Variants in ARAP1 observed in about 807,000 individuals in gnomAD.
ARAP1 encodes the protein ArfGAP with RhoGAP domain, ankyrin repeat and PH domain 1.
ARAP1 carries 76 observed loss-of-function variants against 172.2 expected under a neutral mutation model. The observed-to-expected ratio is 0.44, with a 90% CI of 0.37 to 0.53. The LOEUF (loss-of-function observed/expected upper bound fraction) is 0.53. Ranked by LOEUF, ARAP1 falls within the 20% of genes least tolerant of loss-of-function variation. The pLI, the probability that ARAP1 is intolerant of heterozygous loss-of-function variation, is 0.00. For synonymous variants in ARAP1, 804 were observed against 803.3 expected, an observed-to-expected ratio of 1.00 and a Z score of -0.01; for missense variants, 1,686 against 1,977.5, an observed-to-expected ratio of 0.85 and a Z score of 2.80.
At chr11:72,690,828 T>C (rs1855904279) in intron 30 of ARAP1, among the ~76,000 whole-genome samples, 1 of 152,170 alleles carries the variant, frequency 6.6e-6, no homozygotes, top group Non-Finnish European at 1.5e-5. Context: ...TGCCTCAGGG[T>C]CTTTAACAAG....
Position 72,711,423 on chromosome 11 carries a change from G to T in ARAP1, c.1092+7C>A. The T allele has an allele frequency of 6.2e-7, 1 of 1,611,906 alleles. No individual in the cohort carries two copies. Among genetic ancestry groups the T allele is most frequent in the East Asian group, 2.2e-5 (1 of 44,792 alleles). On this transcript the variant is annotated splice_region_variant and intron_variant, in intron 8 of 34. Transcript: ENST00000393609. ...AGGGGTCGCGTCAGGACTGATGCAG[G>T]CCTCACCTTGTTACTGTCAAAGTAT...
intron 1 of ARAP1, among the ~76,000 whole-genome samples, chr11:72,734,749 A>G (rs1369269602): frequency 6.6e-6 from 1 of 152,040 alleles, no homozygotes; most frequent in Non-Finnish European, 1.5e-5. Flanking sequence ...AGCAGCCAGC[A>G]GTAGCCACAC....
rs1857003704 is a variant in ARAP1 at position 72,711,365 on chromosome 11, C to T, written c.1092+65G>A. On this transcript the variant is annotated intron_variant, in intron 8 of 34. Transcript: ENST00000393609. ...ACTCCTCTGGGGAGGGACGCCACCT[C>T]GCTCCAGTGTTGGGGCCAGCCTAGG... The T allele has an allele frequency of 9.6e-6, 15 of 1,559,564 alleles. No individual in the cohort carries two copies. In the South Asian group the frequency reaches 1.2e-4, roughly 13 times the overall value.
chr11:72,693,765 C>A lies in ARAP1; in HGVS notation c.3735G>T (p.Leu1245=), dbSNP rs1366325820. 1.2e-6 allele frequency: 2 copies of A among 1,609,220 alleles called. No homozygotes were observed. Among genetic ancestry groups the A allele is most frequent in the Admixed American group, 1.7e-5 (1 of 59,522 alleles). The change falls in exon 28 of 35, where the codon CTG becomes CTT. Residue 1245 remains leucine (L), a synonymous_variant. Transcript: ENST00000393609. The surrounding 1 kb of genome is among the most constrained non-coding windows in gnomAD (Gnocchi z 4.6). ...LHFAEKVLPI[L]HGLGTDSHLV... ...GGTGGCTGTCCGTGCCCAGCCCGTG[C>A]AGGATGGGCAGCACCTTCTCCGCAA...
rs574057203 is a variant in ARAP1 at position 72,715,943 on chromosome 11, C to T, written c.510-1622G>A. Among the ~76,000 whole-genome samples, 34 of 152,112 alleles carry T rather than the reference C, an allele frequency of 2.2e-4. No individual in the cohort carries two copies. The Middle Eastern group carries it at 0.01, about 46-fold the overall frequency. On this transcript the variant is annotated intron_variant, in intron 3 of 34. Coordinates refer to ENST00000393609, the MANE Select transcript of ARAP1 (RefSeq NM_001040118.3). Reference sequence around the variant, plus strand: ...ATCCCAGCACTTTGGGAGGCCAAGGCGCGCGGATCACGAGGTCAGGAGATC... The same window carrying T: ...ATCCCAGCACTTTGGGAGGCCAAGGTGCGCGGATCACGAGGTCAGGAGATC...
chr11:72,695,942 G>C lies in ARAP1; in HGVS notation c.3273-77C>G. 5 of 1,508,796 alleles carry C rather than the reference G, an allele frequency of 3.3e-6. No individual in the cohort carries two copies. Among genetic ancestry groups the C allele is most frequent in the Non-Finnish European group, 4.4e-6 (5 of 1,126,268 alleles). 93.5% of individuals were successfully genotyped at this position (1,508,796 alleles called of 1,614,324 possible). On this transcript the variant is annotated intron_variant, in intron 23 of 34. Coordinates refer to ENST00000393609, the MANE Select transcript of ARAP1 (RefSeq NM_001040118.3). This position sits in a 1 kb window ranked among gnomAD's most constrained non-coding sequence, Gnocchi z 4.4. Reference sequence around the variant, plus strand: ...CATCTCACCCTATTAATTTCTGACAGGTCCAAGACTGGTCTGGTCAGAGGG... The same window carrying C: ...CATCTCACCCTATTAATTTCTGACACGTCCAAGACTGGTCTGGTCAGAGGG...
intron 5 of ARAP1, 109 bp from the exon 6 acceptor site, chr11:72,712,677 G>T: frequency 6.4e-7 from 1 of 1,559,770 alleles, no homozygotes; most frequent in Non-Finnish European, 8.7e-7. Flanking sequence ...ACACAGCCCA[G>T]CACTTTTAGT....
chr11:72,693,278 G>C lies in ARAP1; in HGVS notation c.3954+47C>G, dbSNP rs766115933. 5 of 1,600,082 alleles carry C rather than the reference G, an allele frequency of 3.1e-6. No individual in the cohort carries two copies. The South Asian group carries it at 5.6e-5, about 18-fold the overall frequency. ...CAAGGGGAATCTCTGAGCACATTCA[G>C]GTGTACAGGTGCCCACCCTGGGGCA... On this transcript the variant is annotated intron_variant, in intron 29 of 34. Coordinates refer to ENST00000393609, the MANE Select transcript of ARAP1 (RefSeq NM_001040118.3). This position sits in a 1 kb window ranked among gnomAD's most constrained non-coding sequence, Gnocchi z 4.6.
chr11:72,707,171 A>G lies in ARAP1; in HGVS notation c.1723+4T>C. 6.4e-7 allele frequency: 1 copy of G among 1,574,040 alleles called. No individual in the cohort carries two copies. Among genetic ancestry groups the G allele is most frequent in the Non-Finnish European group, 8.6e-7 (1 of 1,158,078 alleles). ...GCCTGGTGCCCCGACCCCCATGCAC[A>G]CACCTGCACAGCGCTTGCAGATAAC... is the stretch of plus-strand genomic sequence containing the variant. On this transcript the variant is annotated splice_donor_region_variant and intron_variant, in intron 12 of 34. Transcript: ENST00000393609.
In ARAP1 at chr11:72,695,230, C is replaced by G; in HGVS notation, c.3577-133G>C. 1 of 1,327,148 alleles carries G rather than the reference C, an allele frequency of 7.5e-7. No homozygotes were observed. The highest frequency in any genetic ancestry group is 1.3e-5 in the South Asian group (1 of 78,234). The allele number at this position is 1,327,148 out of a possible 1,614,324, so 82.2% of individuals were successfully genotyped here. A position where few individuals can be genotyped will look rare whatever the true frequency, so the allele number is the denominator to read the frequency against. On this transcript the variant is annotated intron_variant, in intron 26 of 34. Transcript: ENST00000393609. The surrounding 1 kb of genome is among the most constrained non-coding windows in gnomAD (Gnocchi z 4.4). Reference sequence around the variant, plus strand: ...AGTCCTGGGATAGAGAGGGGTATTTCTGAGTGGTCCTTAGGAGCAGACCCC... The same window carrying G: ...AGTCCTGGGATAGAGAGGGGTATTTGTGAGTGGTCCTTAGGAGCAGACCCC...
chr11:72,749,118 G>T (rs1858459641), intron 1 of ARAP1, among the ~76,000 whole-genome samples: 1 of 152,184 alleles, frequency 6.6e-6, no homozygotes, highest in South Asian at 2.1e-4. Flanking sequence ...GCGGGGACTG[G>T]GTCAGCTTAG....
In ARAP1 at chr11:72,699,081, G is replaced by C; in HGVS notation, c.2465C>G (p.Thr822Arg). 6.2e-7 allele frequency: 1 copy of C among 1,614,082 alleles called. No individual in the cohort carries two copies. The highest frequency in any genetic ancestry group is 8.5e-7 in the Non-Finnish European group (1 of 1,180,024). The change falls in exon 18 of 35, where the codon ACG becomes AGG. Residue 822 changes from threonine (T) to arginine (R), a missense_variant. This residue lies in a region of ARAP1 where 688 missense variants were observed against 856.9 expected (regional missense o/e 0.80). Coordinates refer to ENST00000393609, the MANE Select transcript of ARAP1 (RefSeq NM_001040118.3). This position sits in a 1 kb window ranked among gnomAD's most constrained non-coding sequence, Gnocchi z 4.2. ...HGFEHTFEVY[T>R]EGERLYLFGL... ...AAACAGGTACAGCCGTTCTCCCTCC[G>C]TGTACACCTCAAAGGTGTGCTCAAA...
chr11:72,709,368 G>A (rs1479894052), intron 11 of ARAP1, among the ~76,000 whole-genome samples: 2 of 152,246 alleles, frequency 1.3e-5, no homozygotes, highest in African/African-American at 4.8e-5. Flanking sequence ...TTCGAACCCA[G>A]GCATAGTTCA....
At chr11:72,751,697 G>T (rs902604042) in intron 1 of ARAP1, among the ~76,000 whole-genome samples, 3 of 151,892 alleles carry the variant, frequency 2.0e-5, no homozygotes, top group Admixed American at 6.6e-5. Flanking sequence ...CAGCGTGATG[G>T]CTTCTGGCCA....
chr11:72,712,965 G>A (rs1857098782), intron 5 of ARAP1: 1 of 618,642 alleles, frequency 1.6e-6, no homozygotes, highest in East Asian at 2.8e-5. Flanking sequence ...CAGGGCCTGG[G>A]GGAGCCACAC....
chr11:72,712,067 G>C, intron 7 of ARAP1, 129 bp downstream of exon 7: 1 of 1,278,916 alleles, frequency 7.8e-7, no homozygotes, highest in African/African-American at 1.5e-5. Flanking sequence ...CCTGGAGGGA[G>C]ACCTGTGCAA....
chr11:72,734,478 T>C (rs1010841176), intron 1 of ARAP1, among the ~76,000 whole-genome samples: 4 of 152,294 alleles, frequency 2.6e-5, no homozygotes, highest in African/African-American at 4.8e-5. Context: ...GATGAAAGCA[T>C]TGGCAAAAAT....
rs963079252 is a variant in ARAP1 at position 72,745,335 on chromosome 11, C to T, written c.-128+6993G>A. Among the ~76,000 whole-genome samples the T allele has an allele frequency of 3.3e-5, 5 of 150,658 alleles. No individual in the cohort carries two copies. In the East Asian group the frequency reaches 5.8e-4, roughly 18 times the overall value. On this transcript the variant is annotated intron_variant, in intron 1 of 34. Transcript: ENST00000393609. Reference sequence around the variant, plus strand: ...TCCTGAGTAGCTGGGACTACAGGCGCCTGCCACCACGTCCGGCTAATTTTT... The same window carrying T: ...TCCTGAGTAGCTGGGACTACAGGCGTCTGCCACCACGTCCGGCTAATTTTT...
chr11:72,738,440 T>C (rs1858101177), intron 1 of ARAP1, among the ~76,000 whole-genome samples: 1 of 151,986 alleles, frequency 6.6e-6, no homozygotes, highest in African/African-American at 2.4e-5. Context: ...CCGCCTCCCC[T>C]GATTGCATCC....
Sources: gnomAD v4.1 joint callset for allele counts (sites outside exome capture counted in the v4.1 genomes callset) on GRCh38, gnomAD v4.1.1 for gene constraint, gnomAD v4.1.1 regional missense constraint, Gnocchi (gnomAD v3.1) non-coding constraint, MANE v1.5 for transcripts, NCBI Gene and HGNC (gene_info 2026-07-23, HGNC 2026-07-21) for gene names.